Variants in TRARG1 observed in about 807,000 individuals in gnomAD.
TRARG1 encodes trafficking regulator of GLUT4 (SLC2A4) 1 (gene/pseudogene).
Under a neutral mutation model 13.3 loss-of-function variants are expected in TRARG1, and 16 were observed. The ratio of observed to expected loss-of-function variants is 1.20; its 90% CI spans 0.81 to 1.83. TRARG1 has a LOEUF of 1.83. Among genes scored for constraint, TRARG1 ranks in the 40% most tolerant of loss-of-function variants. The probability of loss-of-function intolerance (pLI) is 0.00; values close to 1 mark genes in which losing one functional copy is unlikely to be tolerated. For missense variants in TRARG1, 250 were observed against 237.4 expected (o/e 1.05, Z -0.35); for synonymous variants, 113 against 106.2 (o/e 1.06, Z -0.39).
chr17:1,286,510 G>GTGT (rs2072023986), intron 1 of TRARG1, among the ~76,000 whole-genome samples: 2 of 116,108 alleles, frequency 1.7e-5, no homozygotes, highest in Non-Finnish European at 3.7e-5. Context: ...AGCCTGTGGG[G>GTGT]TGTTATCGGC....
Position 1,300,739 on chromosome 17 carries a change from G to T in TRARG1, c.*2475G>T, listed in dbSNP as rs1423364868. The T allele has an allele frequency of 2.0e-5, 3 of 152,494 alleles. No homozygotes were observed. Among genetic ancestry groups the T allele is most frequent in the African/African-American group, 7.2e-5 (3 of 41,462 alleles). 9.4% of individuals were successfully genotyped at this position (152,494 alleles called of 1,614,324 possible). A position where few individuals can be genotyped will look rare whatever the true frequency, so the allele number is the denominator to read the frequency against. ...GGACACCAGGGGACCTGGACGGAGG[G>T]TCCCCACAGCCCGTGCCCCACGCCG... On this transcript the variant is annotated 3_prime_UTR_variant, in exon 3 of 3. Coordinates refer to ENST00000333813, the MANE Select transcript of TRARG1 (RefSeq NM_172367.3).
At chr17:1,288,887 G>A (rs1367871594) in intron 1 of TRARG1, among the ~76,000 whole-genome samples, 2 of 888 alleles carry the variant, frequency 2.3e-3, no homozygotes, top group Non-Finnish European at 3.2e-3. Flanking sequence ...CATCCCCCAC[G>A]GGTTCCCCAT....
chr17:1,280,709 G>T (rs897733868), intron 1 of TRARG1, among the ~76,000 whole-genome samples: 1 of 152,200 alleles, frequency 6.6e-6, no homozygotes, highest in Non-Finnish European at 1.5e-5. Context: ...CAGGCTGGGG[G>T]TCTTGCTGTT....
chr17:1,282,276 G>GTATACGTACATATGCGTA (rs2071986572), intron 1 of TRARG1, among the ~76,000 whole-genome samples: 1 of 68,522 alleles, frequency 1.5e-5, no homozygotes, highest in Non-Finnish European at 2.7e-5. Context: ...ATATATGCAC[G>GTATACGTACATATGCGTA]TATATGTACA....
chr17:1,287,302 C>G (rs2072031350), intron 1 of TRARG1, among the ~76,000 whole-genome samples: 1 of 151,908 alleles, frequency 6.6e-6, no homozygotes. Context: ...TCACTGAGTA[C>G]CTACTAAATG....
Position 1,295,226 on chromosome 17 carries a change from GAGA to G in TRARG1, c.388-259_388-257del, listed in dbSNP as rs1220410142. Among the ~76,000 whole-genome samples the G allele has an allele frequency of 3.9e-5, 6 of 152,356 alleles. No homozygotes were observed. In the South Asian group the frequency reaches 1.0e-3, roughly 26 times the overall value. ...CCACCGCCACCTCCTCCACCGCCCT[GAGA>G]AGAAGTGCCAGGCTTTGCTGGGTTC... On this transcript the variant is annotated intron_variant, in intron 1 of 2. Transcript: ENST00000333813.
At chr17:1,280,421 C>T in intron 1 of TRARG1, 33 bp downstream of exon 1, 1 of 1,538,252 alleles carries the variant, frequency 6.5e-7, no homozygotes, top group Non-Finnish European at 8.7e-7. Context: ...GGGGCAGGGG[C>T]TGGGCCCAGG....
At chr17:1,284,789 T>G (rs1029779124) in intron 1 of TRARG1, among the ~76,000 whole-genome samples, 1 of 152,090 alleles carries the variant, frequency 6.6e-6, no homozygotes, top group African/African-American at 2.4e-5. Context: ...CACGCCATTC[T>G]CCTGCCTCAG....
intron 1 of TRARG1, among the ~76,000 whole-genome samples, chr17:1,290,905 A>T (rs1274576899): frequency 2.1e-5 from 3 of 141,512 alleles, no homozygotes; most frequent in Non-Finnish European, 4.6e-5. Context: ...GATCTGATGG[A>T]TTTTTTTTTT....
intron 1 of TRARG1, among the ~76,000 whole-genome samples, chr17:1,284,902 G>T (rs998376548): frequency 6.6e-6 from 1 of 151,756 alleles, no homozygotes; most frequent in Non-Finnish European, 1.5e-5. Flanking sequence ...GGATGGTCTC[G>T]ATCTCCTGAC....
chr17:1,298,181 C>T, intron 2 of TRARG1, 70 bp from the exon 3 acceptor site: 1 of 1,602,902 alleles, frequency 6.2e-7, no homozygotes, highest in Admixed American at 1.7e-5. Flanking sequence ...AACCCAAATC[C>T]TCCAGTCAGG....
At chr17:1,295,360 G>C in intron 1 of TRARG1, 131 bp from the exon 2 acceptor site, 1 of 1,209,784 alleles carries the variant, frequency 8.3e-7, no homozygotes, top group African/African-American at 1.5e-5. Context: ...CCCCTAGAGT[G>C]TGGGCTGCCA....
rs1341272638 is a variant in TRARG1, at chr17:1,298,100, CAA to C, written c.521-149_521-148del. The C allele has an allele frequency of 1.0e-5, 9 of 879,752 alleles. No individual in the cohort carries two copies. In the East Asian group the frequency reaches 2.4e-4, roughly 24 times the overall value. The allele number at this position is 879,752 out of a possible 1,614,324, so 54.5% of individuals were successfully genotyped here. The stretch of plus-strand genomic sequence containing the variant: ...AGGAGTTCAGTTACTCCAAGAGCTC[CAA>C]ACCAAAGAGGTTCCCAAGCCTTAGC... On this transcript the variant is annotated intron_variant, in intron 2 of 2. Transcript: ENST00000333813.
intron 1 of TRARG1, among the ~76,000 whole-genome samples, chr17:1,295,013 TG>T (rs1013399810): frequency 2.0e-5 from 3 of 151,630 alleles, no homozygotes; most frequent in Non-Finnish European, 2.9e-5. Flanking sequence ...GAGGCAGGGG[TG>T]GGGGGTGCTT....
intron 1 of TRARG1, among the ~76,000 whole-genome samples, chr17:1,292,577 T>A (rs1231592719): frequency 6.6e-6 from 1 of 152,040 alleles, no homozygotes; most frequent in East Asian, 1.9e-4. Context: ...AGTCAGCGAC[T>A]GTTTTTTGAA....
intron 1 of TRARG1, among the ~76,000 whole-genome samples, chr17:1,286,134 G>A (rs1276511389): frequency 2.0e-5 from 3 of 152,250 alleles, no homozygotes; most frequent in Non-Finnish European, 2.9e-5. Context: ...CTGAAGGAGA[G>A]GCCGTGAGGG....
At chr17:1,295,182 G>A (rs1227325240) in intron 1 of TRARG1, among the ~76,000 whole-genome samples, 1 of 152,206 alleles carries the variant, frequency 6.6e-6, no homozygotes, top group Non-Finnish European at 1.5e-5. Flanking sequence ...ACCTTCTCAG[G>A]CCCTCGGTCT....
chr17:1,295,499 C>T lies in TRARG1; in HGVS notation c.396C>T (p.Ser132=). ...IPLIISIMSR[S]SMQQGNVDGA... Reference sequence around the variant, plus strand: ...CTGTGCTCTCTCCGCAGTCTCGAAGCAGCATGCAACAGGGCAACGTGGACG... The same window carrying T: ...CTGTGCTCTCTCCGCAGTCTCGAAGTAGCATGCAACAGGGCAACGTGGACG... Residue 132 remains serine (S), a synonymous_variant, in exon 2 of 3, where the codon AGC becomes AGT. Transcript: ENST00000333813. The T allele has an allele frequency of 1.9e-6, 3 of 1,607,322 alleles. No homozygotes were observed. The highest frequency in any genetic ancestry group is 1.7e-5 in the Admixed American group (1 of 58,934).
chr17:1,291,124 T>C (rs1460984177), intron 1 of TRARG1, among the ~76,000 whole-genome samples: 1 of 152,122 alleles, frequency 6.6e-6, no homozygotes, highest in Non-Finnish European at 1.5e-5. Context: ...CAGGCTGGTC[T>C]CGAACTCCTG....
Sources: allele counts gnomAD v4.1 joint callset (sites outside exome capture counted in the v4.1 genomes callset), GRCh38; gene constraint gnomAD v4.1.1; transcripts MANE v1.5; gene names NCBI Gene and HGNC (gene_info 2026-07-23, HGNC 2026-07-21).